Variants in RCAN2 observed in about 807,000 individuals in gnomAD.
RCAN2 encodes the protein regulator of calcineurin 2.
RCAN2 carries 9 observed loss-of-function variants against 23.6 expected under a neutral mutation model. The observed-to-expected ratio is 0.38, with a 90% CI of 0.23 to 0.67. The LOEUF is 0.67. RCAN2 is among the 30% of genes least tolerant of loss of function. RCAN2 has a pLI of 0.51. For synonymous variants in RCAN2, 109 were observed against 115.7 expected (o/e 0.94, Z 0.37); for missense variants, 273 against 302.3 (o/e 0.90, Z 0.72).
chr6:46,357,752 T>G (rs7770495), intron 2 of RCAN2, among the ~76,000 whole-genome samples: 78,271 of 151,986 alleles, frequency 0.51, 20,535 homozygotes, highest in East Asian at 0.61. Flanking sequence ...TTGTTCATAA[T>G]AACTTATTAA....
rs934099013 is a variant in RCAN2, at chr6:46,309,088, G to C, written c.226-60192C>G. Among the ~76,000 whole-genome samples, 7 of 152,264 alleles carry C rather than the reference G, an allele frequency of 4.6e-5. 1 individual carries two copies. Among genetic ancestry groups the C allele is most frequent in the Middle Eastern group, 6.8e-3 (2 of 294 alleles). The stretch of plus-strand genomic sequence containing the variant: ...AAACTAATCAATAGAAAAGAGATGG[G>C]GTAAGCCTGCTGTTCAGGAGAAGTT... On this transcript the variant is annotated intron_variant, in intron 2 of 4. Transcript: ENST00000371374.
intron 4 of RCAN2, among the ~76,000 whole-genome samples, chr6:46,227,900 T>C (rs1392597690): frequency 6.6e-6 from 1 of 152,240 alleles, no homozygotes. Flanking sequence ...CTGCTTTCTC[T>C]TGTGGGCATT....
chr6:46,290,340 A>G (rs913268044), intron 2 of RCAN2, among the ~76,000 whole-genome samples: 4 of 152,232 alleles, frequency 2.6e-5, no homozygotes, highest in Non-Finnish European at 5.9e-5. Flanking sequence ...TATCTTGTGT[A>G]TTAAACAATA....
chr6:46,386,095 G>A (rs953184939), intron 2 of RCAN2, among the ~76,000 whole-genome samples: 5 of 152,034 alleles, frequency 3.3e-5, no homozygotes, highest in Non-Finnish European at 7.4e-5. Flanking sequence ...CCTAGAGAAC[G>A]GGAGAACATT....
chr6:46,379,374 G>A (rs890363800), intron 2 of RCAN2, among the ~76,000 whole-genome samples: 4 of 152,024 alleles, frequency 2.6e-5, no homozygotes, highest in South Asian at 2.1e-4. Context: ...TTGAAAGCAC[G>A]GCTAAGGAAC....
rs570237210 is a variant in RCAN2 at position 46,250,038 on chromosome 6, CAACTGAGTAAGTATCTATT to C, written c.226-1161_226-1143del. Reference sequence around the variant, plus strand: ...TTAGACTCAATACACAATTTCAATTCAACTGAGTAAGTATCTATTAAATGCTTACTTTGTATGAGGCATG... The same window carrying C: ...TTAGACTCAATACACAATTTCAATTCAAATGCTTACTTTGTATGAGGCATG... On this transcript the variant is annotated intron_variant, in intron 2 of 4. Transcript: ENST00000371374. 4.1e-4 allele frequency among the ~76,000 whole-genome samples: 63 copies of C among 152,262 alleles called. No homozygotes were observed. In the South Asian group the frequency reaches 0.012, roughly 29 times the overall value.
intron 2 of RCAN2, among the ~76,000 whole-genome samples, chr6:46,334,654 T>C (rs1764085620): frequency 6.6e-6 from 1 of 152,092 alleles, no homozygotes; most frequent in Non-Finnish European, 1.5e-5. Context: ...CCGCATTGTG[T>C]AGAAGGTCCA....
chr6:46,358,026 G>C (rs1764894316), intron 2 of RCAN2, among the ~76,000 whole-genome samples: 1 of 152,058 alleles, frequency 6.6e-6, no homozygotes, highest in Non-Finnish European at 1.5e-5. Context: ...ACTAATTTTT[G>C]TATAAAATCT....
intron 2 of RCAN2, among the ~76,000 whole-genome samples, chr6:46,341,618 G>A (rs1764319357): frequency 6.6e-6 from 1 of 152,008 alleles, no homozygotes; most frequent in South Asian, 2.1e-4. Flanking sequence ...CCAACATGGT[G>A]AGACCCCCAT....
intron 2 of RCAN2, among the ~76,000 whole-genome samples, chr6:46,332,869 C>T (rs1484653321): frequency 1.3e-5 from 2 of 152,186 alleles, no homozygotes; most frequent in South Asian, 4.1e-4. Context: ...TTCTAGATCC[C>T]TGAGGAATTG....
At chr6:46,472,263 C>T (rs1277527906) in intron 1 of RCAN2, among the ~76,000 whole-genome samples, 1 of 152,158 alleles carries the variant, frequency 6.6e-6, no homozygotes, top group Non-Finnish European at 1.5e-5. Flanking sequence ...ATATCCCAAA[C>T]TCCAAACAAT....
At chr6:46,418,695 G>GTA (rs70996369) in intron 2 of RCAN2, among the ~76,000 whole-genome samples, 6,886 of 120,810 alleles carry the variant, frequency 0.057, 189 homozygotes, top group Middle Eastern at 0.081. Context: ...ATGTGTGTGT[G>GTA]TATATATATA....
chr6:46,328,876 TG>T (rs1316162618), intron 2 of RCAN2, among the ~76,000 whole-genome samples: 1 of 152,210 alleles, frequency 6.6e-6, no homozygotes, highest in African/African-American at 2.4e-5. Context: ...CCCAAAGTGC[TG>T]GGATTCCAGG....
chr6:46,417,858 T>A (rs1025125996), intron 2 of RCAN2, among the ~76,000 whole-genome samples: 1 of 152,238 alleles, frequency 6.6e-6, no homozygotes, highest in Non-Finnish European at 1.5e-5. Flanking sequence ...ACACACACAA[T>A]TAATTTTTGC....
At chr6:46,231,060 G>A (rs576207516) in intron 4 of RCAN2, among the ~76,000 whole-genome samples, 1 of 152,240 alleles carries the variant, frequency 6.6e-6, no homozygotes, top group African/African-American at 2.4e-5. Flanking sequence ...AGATGTTGAG[G>A]TCCTAACTAA....
intron 2 of RCAN2, among the ~76,000 whole-genome samples, chr6:46,339,014 CAAAA>C (rs3997300): frequency 6.4e-5 from 3 of 47,090 alleles, no homozygotes; most frequent in South Asian, 1.3e-3. Context: ...GACCCTGTCT[CAAAA>C]AAAAAAAAAA....
intron 2 of RCAN2, among the ~76,000 whole-genome samples, chr6:46,379,042 C>T (rs1450560673): frequency 6.6e-6 from 1 of 152,110 alleles, no homozygotes; most frequent in Non-Finnish European, 1.5e-5. Context: ...ACACAAGAAG[C>T]TTTTTAAGTT....
Position 46,366,837 on chromosome 6 carries a change from C to T in RCAN2, c.225+89915G>A, listed in dbSNP as rs143461018. Among the ~76,000 whole-genome samples the T allele has an allele frequency of 8.3e-4, 126 of 151,336 alleles. 2 individuals are homozygous for T. The highest frequency in any genetic ancestry group is 2.7e-3 in the African/African-American group (113 of 41,288). ...TCAAAGTTGAGCCTGATCTCTCTAC[C>T]CTACTGCAAGACATCACTGCAGTAG... On this transcript the variant is annotated intron_variant, in intron 2 of 4. Coordinates refer to ENST00000371374, the MANE Select transcript of RCAN2 (RefSeq NM_001251974.2).
intron 1 of RCAN2, among the ~76,000 whole-genome samples, chr6:46,465,421 T>C (rs1267335786): frequency 1.3e-5 from 2 of 152,110 alleles, no homozygotes; most frequent in African/African-American, 4.8e-5. Flanking sequence ...AAGGGACTAT[T>C]TACAGCATGG....
Sources: allele counts gnomAD v4.1 joint callset (sites outside exome capture counted in the v4.1 genomes callset), GRCh38; gene constraint gnomAD v4.1.1; transcripts MANE v1.5; gene names NCBI Gene and HGNC (gene_info 2026-07-23, HGNC 2026-07-21).